DOCK1: variants seen among roughly 807,000 people sequenced by gnomAD.
The protein encoded by DOCK1 is dedicator of cytokinesis protein 1.
DOCK1 carries 138 observed loss-of-function variants against 262.7 expected under a neutral mutation model. That is an observed-to-expected ratio of 0.53 (90% CI 0.46 to 0.61). The LOEUF (loss-of-function observed/expected upper bound fraction) is 0.61. Ranked by LOEUF, DOCK1 falls within the 20% of genes least tolerant of loss-of-function variation. The pLI, the probability that DOCK1 is intolerant of heterozygous loss-of-function variation, is 0.00. For missense variants in DOCK1, 1,908 were observed against 2,370.7 expected (o/e 0.80, Z 4.05); for synonymous variants, 866 against 867.4 (o/e 1.00, Z 0.03).
rs1305190730 is a variant in DOCK1, at chr10:126,995,313, G to A, written c.474-1435G>A. On this transcript the variant is annotated intron_variant, in intron 6 of 51. Coordinates refer to ENST00000623213, the MANE Select transcript of DOCK1 (RefSeq NM_001290223.2). This position sits in a 1 kb window ranked among gnomAD's most constrained non-coding sequence, Gnocchi z 5.8. ...GTGGCTGGGAGGTGGAGGTTGTAGC[G>A]AGCCGAGATCATGCCACTGCACTCC... is the stretch of plus-strand genomic sequence containing the variant. Among the ~76,000 whole-genome samples the A allele has an allele frequency of 6.6e-6, 1 of 152,152 alleles. No homozygotes were observed. Among genetic ancestry groups the A allele is most frequent in the Non-Finnish European group, 1.5e-5 (1 of 68,028 alleles).
chr10:127,180,366 G>T (rs2055608779), intron 27 of DOCK1, among the ~76,000 whole-genome samples: 1 of 152,318 alleles, frequency 6.6e-6, no homozygotes, highest in African/African-American at 2.4e-5. Context: ...GGTTTGGGGA[G>T]CTGATCTCTT....
At chr10:127,448,608 T>C (rs1052464104) in intron 51 of DOCK1, among the ~76,000 whole-genome samples, 11 of 152,172 alleles carry the variant, frequency 7.2e-5, no homozygotes, top group African/African-American at 2.4e-4. Flanking sequence ...CCAGGCCATG[T>C]TATTCACAGC....
chr10:127,195,357 C>T (rs554086223), intron 27 of DOCK1, among the ~76,000 whole-genome samples: 1 of 152,338 alleles, frequency 6.6e-6, no homozygotes, highest in South Asian at 2.1e-4. Context: ...CTGACTCGGG[C>T]TGCCAGGCAC....
intron 29 of DOCK1, among the ~76,000 whole-genome samples, chr10:127,267,141 T>C (rs1348591677): frequency 6.6e-6 from 1 of 152,178 alleles, no homozygotes; most frequent in Non-Finnish European, 1.5e-5. Context: ...AGGTTGCTTT[T>C]AGAGGGGACA....
rs1385570736 is a variant in DOCK1, at chr10:126,953,032, GGTGGTGGTAGTATTTTTGGTA to G, written c.47-17632_47-17612del. ...TGGTGGTAGTATTGTTGGTGCTGCT[GGTGGTGGTAGTATTTTTGGTA>G]GTGGTGGTAGTATTTTTGGTAGTGG... On this transcript the variant is annotated intron_variant, in intron 1 of 51. Coordinates refer to ENST00000623213, the MANE Select transcript of DOCK1 (RefSeq NM_001290223.2). 2.0e-3 allele frequency among the ~76,000 whole-genome samples: 297 copies of G among 151,854 alleles called. 1 individual carries two copies. Among genetic ancestry groups the G allele is most frequent in the Non-Finnish European group, 3.4e-3 (233 of 67,958 alleles).
intron 33 of DOCK1, among the ~76,000 whole-genome samples, chr10:127,368,321 TTTC>T (rs1449614635): frequency 6.6e-6 from 1 of 152,192 alleles, no homozygotes; most frequent in Non-Finnish European, 1.5e-5. Flanking sequence ...CTTCCAGCAC[TTTC>T]TATGAATCTT....
intron 27 of DOCK1, among the ~76,000 whole-genome samples, chr10:127,155,363 T>G (rs1247624163): frequency 6.6e-6 from 1 of 152,216 alleles, no homozygotes; most frequent in Non-Finnish European, 1.5e-5. Flanking sequence ...AGTTTGTTGA[T>G]CAAGTGACCA....
At chr10:127,165,093 CT>C (rs552779686) in intron 27 of DOCK1, among the ~76,000 whole-genome samples, 42 of 152,232 alleles carry the variant, frequency 2.8e-4, no homozygotes, top group Non-Finnish European at 5.4e-4. Context: ...CCAAATTTTC[CT>C]TCAGGACTCC....
In DOCK1 at chr10:127,030,914, A is replaced by G. The variant is rs146082727; in HGVS notation, c.1625-736A>G. Among the ~76,000 whole-genome samples the G allele has an allele frequency of 2.8e-3, 426 of 152,262 alleles. 2 individuals are homozygous for G. Among genetic ancestry groups the G allele is most frequent in the African/African-American group, 9.0e-3 (375 of 41,552 alleles). ...TCACGAAAATAAATCAGGTGAGAGG[A>G]AAGAGGGTGATTGGGTGACTAATGG... is the stretch of plus-strand genomic sequence containing the variant. On this transcript the variant is annotated intron_variant, in intron 16 of 51. Coordinates refer to ENST00000623213, the MANE Select transcript of DOCK1 (RefSeq NM_001290223.2).
rs373510555 is a variant in DOCK1 at position 127,396,842 on chromosome 10, G to T, written c.3928-6213G>T. Among the ~76,000 whole-genome samples, 7 of 151,944 alleles carry T rather than the reference G, an allele frequency of 4.6e-5. No homozygotes were observed. The East Asian group carries it at 1.2e-3, about 25-fold the overall frequency. On this transcript the variant is annotated intron_variant, in intron 38 of 51. Transcript: ENST00000623213. ...TTTCTGTTTTGACTAATAAGGACTTGCCGTGGAATAAAGGAGACATGTTGA... is the reference window on the plus strand; with the variant it reads ...TTTCTGTTTTGACTAATAAGGACTTTCCGTGGAATAAAGGAGACATGTTGA...
intron 38 of DOCK1, among the ~76,000 whole-genome samples, chr10:127,396,162 A>AG: frequency 2.3e-5 from 3 of 132,394 alleles, no homozygotes; most frequent in East Asian, 4.2e-4. Context: ...GGCTGCATTC[A>AG]AGAATCCCGG....
chr10:127,146,573 T>C (rs2051875338), intron 27 of DOCK1, among the ~76,000 whole-genome samples: 1 of 150,192 alleles, frequency 6.7e-6, no homozygotes. Flanking sequence ...TAACATTGTG[T>C]ATGTAAGGTG....
rs564093742 is a variant in DOCK1 at position 126,991,856 on chromosome 10, T to C, written c.473+1253T>C. Among the ~76,000 whole-genome samples, 68 of 152,236 alleles carry C rather than the reference T, an allele frequency of 4.5e-4. 1 individual carries two copies. The highest frequency in any genetic ancestry group is 1.6e-3 in the African/African-American group (66 of 41,534). ...AAATCTCAAGTTTTAAAAATAGAGT[T>C]GGGTTGTGCTGGACAGCAGATTTGG... On this transcript the variant is annotated intron_variant, in intron 6 of 51. Coordinates refer to ENST00000623213, the MANE Select transcript of DOCK1 (RefSeq NM_001290223.2).
intron 27 of DOCK1, among the ~76,000 whole-genome samples, chr10:127,150,933 C>T (rs1050190283): frequency 3.3e-5 from 5 of 152,194 alleles, no homozygotes; most frequent in Non-Finnish European, 5.9e-5. Context: ...GTCTGGGCCT[C>T]ACCTCTAAAG....
intron 23 of DOCK1, among the ~76,000 whole-genome samples, chr10:127,083,625 C>T (rs1251504591): frequency 8.5e-5 from 13 of 152,172 alleles, no homozygotes; most frequent in Admixed American, 4.6e-4. Flanking sequence ...CCCATTTACT[C>T]ATATAAAAGG....
chr10:127,106,411 G>T, intron 24 of DOCK1, 110 bp downstream of exon 24: 1 of 1,142,190 alleles, frequency 8.8e-7, no homozygotes, highest in Non-Finnish European at 1.3e-6. Flanking sequence ...CCATATGTCA[G>T]TGCCCTGGAT....
intron 16 of DOCK1, among the ~76,000 whole-genome samples, chr10:127,030,836 GTCTC>G (rs897067928): frequency 1.3e-5 from 2 of 151,326 alleles, no homozygotes; most frequent in African/African-American, 4.9e-5. Context: ...CTCTATCTCT[GTCTC>G]TCTGTCACAC....
chr10:127,296,784 G>A (rs113327916), intron 29 of DOCK1, among the ~76,000 whole-genome samples: 69 of 152,290 alleles, frequency 4.5e-4, no homozygotes, highest in African/African-American at 1.5e-3. Context: ...GCGGTAGGGG[G>A]TGCTCTTCAC....
chr10:126,992,818 G>T, intron 6 of DOCK1, among the ~76,000 whole-genome samples: 1 of 9,394 alleles, frequency 1.1e-4, no homozygotes, highest in South Asian at 0.014. Context: ...TTCTACACAT[G>T]ATTTCAGGTG....
Sources: allele counts gnomAD v4.1 joint callset (sites outside exome capture counted in the v4.1 genomes callset), GRCh38; gene constraint gnomAD v4.1.1; non-coding constraint Gnocchi (gnomAD v3.1); transcripts MANE v1.5; gene names NCBI Gene and HGNC (gene_info 2026-07-23, HGNC 2026-07-21).